The following RUBCNL variants were observed in gnomAD, a reference collection of about 807,000 sequenced individuals.
RUBCNL encodes the protein protein associated with UVRAG as autophagy enhancer.
RUBCNL carries 62 observed loss-of-function variants against 69.5 expected under a neutral mutation model. That is an observed-to-expected ratio of 0.89 (90% confidence interval 0.73 to 1.10). The LOEUF (loss-of-function observed/expected upper bound fraction) is 1.10. RUBCNL is among the 50% of genes least tolerant of loss of function. RUBCNL has a pLI of 0.00. For synonymous variants in RUBCNL, 291 were observed against 303.6 expected (o/e 0.96, Z 0.43); for missense variants, 768 against 798.1 (o/e 0.96, Z 0.45).
At chr13:46,387,966 C>T, upstream of RUBCNL, 1 of 497,046 alleles carries the variant, frequency 2.0e-6, no homozygotes, top group Non-Finnish European at 2.6e-6. Flanking sequence ...CCAGCACCTA[C>T]TTTGGGAGGC....
At chr13:46,356,000 G>A (rs2048475919) in intron 10 of RUBCNL, among the ~76,000 whole-genome samples, 1 of 152,206 alleles carries the variant, frequency 6.6e-6, no homozygotes, top group Admixed American at 6.5e-5. Context: ...GGCCAGCAGT[G>A]GGGCAAGACA....
chr13:46,388,199 C>CAAAAAAAAAAAAAAAAAA (rs71074779), upstream of RUBCNL, among the ~76,000 whole-genome samples: 7 of 68,194 alleles, frequency 1.0e-4, no homozygotes, highest in African/African-American at 4.6e-4. Flanking sequence ...GCAAGACTGT[C>CAAAAAAAAAAAAAAAAAA]AAAAAAAAAA....
In RUBCNL at chr13:46,340,049, G is replaced by A. The variant is rs2048130877; in HGVS notation, c.*3336C>T. 6.6e-6 allele frequency among the ~76,000 whole-genome samples: 1 copy of A among 151,682 alleles called. No homozygotes were observed. ...CTGCCAGCAATTCTTGGTGCTCCTT[G>A]GCTTGTAGATGCATCACCCCAACCT... On this transcript the variant is annotated 3_prime_UTR_variant, in exon 15 of 15. Transcript: ENST00000429979.
chr13:46,360,682 T>C (rs1282870822), intron 8 of RUBCNL, among the ~76,000 whole-genome samples: 1 of 152,222 alleles, frequency 6.6e-6, no homozygotes, highest in Non-Finnish European at 1.5e-5. Flanking sequence ...TCCTCTGCAC[T>C]TCGAGGGCAT....
chr13:46,384,305 G>T (rs1202690514), intron 1 of RUBCNL, among the ~76,000 whole-genome samples: 1 of 152,192 alleles, frequency 6.6e-6, no homozygotes, highest in African/African-American at 2.4e-5. Flanking sequence ...ATAGGGAAGT[G>T]CCCTAAACAT....
chr13:46,385,100 A>G (rs932416691), intron 1 of RUBCNL, among the ~76,000 whole-genome samples: 2 of 152,188 alleles, frequency 1.3e-5, no homozygotes, highest in Non-Finnish European at 1.5e-5. Flanking sequence ...AATGCTCTTA[A>G]CCTCCCCCAT....
chr13:46,349,208 G>A, intron 12 of RUBCNL, 78 bp downstream of exon 12: 2 of 1,257,184 alleles, frequency 1.6e-6, no homozygotes, highest in African/African-American at 1.5e-5. Flanking sequence ...GTGTAATGGG[G>A]GAGCCAGATG....
At chr13:46,363,338 T>C (rs1475152909) in intron 5 of RUBCNL, 125 bp from the exon 6 acceptor site, 3 of 359,182 alleles carry the variant, frequency 8.4e-6, no homozygotes, top group Non-Finnish European at 1.5e-5. Flanking sequence ...GAATTAAACA[T>C]TTCAACTTAA....
intron 9 of RUBCNL, among the ~76,000 whole-genome samples, chr13:46,357,641 T>G (rs2048520420): frequency 6.6e-6 from 1 of 151,522 alleles, no homozygotes; most frequent in Admixed American, 6.6e-5. Context: ...CTTTTTTTTT[T>G]TTTTTTGAGA....
chr13:46,367,583 A>G (rs956828738), intron 5 of RUBCNL, among the ~76,000 whole-genome samples: 1 of 152,222 alleles, frequency 6.6e-6, no homozygotes, highest in Non-Finnish European at 1.5e-5. Flanking sequence ...TGAGGATTAC[A>G]GAGGTTACTC....
chr13:46,359,188 A>G (rs1008636149), intron 9 of RUBCNL, among the ~76,000 whole-genome samples: 1 of 152,144 alleles, frequency 6.6e-6, no homozygotes, highest in Non-Finnish European at 1.5e-5. Flanking sequence ...AGCCACTTTT[A>G]AAAATCCCCT....
At chr13:46,352,999 A>G (rs2048403769) in intron 10 of RUBCNL, among the ~76,000 whole-genome samples, 1 of 152,122 alleles carries the variant, frequency 6.6e-6, no homozygotes, top group Admixed American at 6.5e-5. Flanking sequence ...AAGACACTGA[A>G]GTTAGGCAAC....
At chr13:46,383,366 A>G (rs1369449199) in intron 1 of RUBCNL, among the ~76,000 whole-genome samples, 1 of 152,142 alleles carries the variant, frequency 6.6e-6, no homozygotes, top group Non-Finnish European at 1.5e-5. Context: ...ATCACCTATG[A>G]CAAAACCACA....
At chr13:46,364,765 A>G (rs1353908565) in intron 5 of RUBCNL, among the ~76,000 whole-genome samples, 1 of 150,984 alleles carries the variant, frequency 6.6e-6, no homozygotes, top group Non-Finnish European at 1.5e-5. Context: ...CACCTCATGG[A>G]GGAACATCTA....
rs1428803431 is a variant in RUBCNL, at chr13:46,343,514, G to A, written c.1877-17C>T. The A allele has an allele frequency of 3.7e-6, 6 of 1,610,288 alleles. No individual in the cohort carries two copies. In the Admixed American group the frequency reaches 8.4e-5, roughly 22 times the overall value. On this transcript the variant is annotated splice_polypyrimidine_tract_variant and intron_variant, in intron 14 of 14. Coordinates refer to ENST00000429979, the MANE Select transcript of RUBCNL (RefSeq NM_025113.5). ...CCCTGCACGCTGCAAGCAAGGAAGA[G>A]AGCCGTTAGCAAACGGTCTATCTTG...
At chr13:46,380,538 A>G (rs1044576623) in intron 1 of RUBCNL, among the ~76,000 whole-genome samples, 1 of 152,226 alleles carries the variant, frequency 6.6e-6, no homozygotes, top group African/African-American at 2.4e-5. Context: ...TTTCAATTTC[A>G]TTAGCAAAGT....
intron 12 of RUBCNL, 107 bp downstream of exon 12, chr13:46,349,179 C>A: frequency 1.1e-6 from 1 of 903,346 alleles, no homozygotes; most frequent in South Asian, 1.4e-5. Context: ...ATGAGGTCAT[C>A]ACTGTGCTAA....
intron 8 of RUBCNL, among the ~76,000 whole-genome samples, chr13:46,360,566 C>T (rs2048588360): frequency 6.6e-6 from 1 of 152,198 alleles, no homozygotes; most frequent in African/African-American, 2.4e-5. Flanking sequence ...AACGTCCTCC[C>T]CCAACCTTTC....
Position 46,363,233 on chromosome 13 carries a change from A to G in RUBCNL, c.827-20T>C. The G allele has an allele frequency of 7.2e-7, 1 of 1,382,704 alleles. No homozygotes were observed. Among genetic ancestry groups the G allele is most frequent in the African/African-American group, 1.5e-5 (1 of 67,856 alleles). The allele number at this position is 1,382,704 out of a possible 1,614,324, so 85.7% of individuals were successfully genotyped here. The stretch of plus-strand genomic sequence containing the variant: ...CACAACCTAGACAAAGAAAGGAAGG[A>G]GGTTTTTACCAATAAGAAGAAAAAG... On this transcript the variant is annotated intron_variant, in intron 5 of 14. Transcript: ENST00000429979.
Sources: gnomAD v4.1 joint callset for allele counts (sites outside exome capture counted in the v4.1 genomes callset) on GRCh38, gnomAD v4.1.1 for gene constraint, MANE v1.5 for transcripts, NCBI Gene and HGNC (gene_info 2026-07-23, HGNC 2026-07-21) for gene names.